The following SPTA1 variants were observed in gnomAD, a reference collection of about 807,000 sequenced individuals.
SPTA1 encodes spectrin alpha chain, erythrocytic 1.
In SPTA1, 177 loss-of-function variants were observed where a neutral mutation model predicts 324.7. The observed-to-expected ratio is 0.55, with a 90% CI of 0.48 to 0.62. SPTA1 has a LOEUF of 0.62. SPTA1 is among the 20% of genes least tolerant of loss of function. SPTA1 has a pLI of 0.00. For synonymous variants in SPTA1, 1,195 were observed against 1,041.3 expected (o/e 1.15, Z -2.84); for missense variants, 3,162 against 2,883.6 (o/e 1.10, Z -2.21).
At chr1:158,665,014 T>C (rs779131218) in intron 16 of SPTA1, among the ~76,000 whole-genome samples, 2 of 152,204 alleles carry the variant, frequency 1.3e-5, no homozygotes, top group Non-Finnish European at 2.9e-5. Flanking sequence ...TTTTCAACTT[T>C]AACATTCTAT....
chr1:158,677,620 A>C (rs1571522064), intron 7 of SPTA1, 70 bp downstream of exon 7: 2 of 1,588,230 alleles, frequency 1.3e-6, no homozygotes, highest in East Asian at 2.3e-5. Context: ...GAGGCACGGT[A>C]ATAGGCAAGA....
chr1:158,617,387 G>C, intron 47 of SPTA1, 150 bp downstream of exon 47: 1 of 697,286 alleles, frequency 1.4e-6, no homozygotes, highest in Non-Finnish European at 2.6e-6. Context: ...AGTAGACTGA[G>C]GTTTATATTC....
chr1:158,658,680 A>G (rs1652996488), intron 18 of SPTA1, among the ~76,000 whole-genome samples: 1 of 152,196 alleles, frequency 6.6e-6, no homozygotes, highest in African/African-American at 2.4e-5. Flanking sequence ...GGAAAACTCC[A>G]TCAAGTTATA....
rs75094406 is a variant in SPTA1 at position 158,621,335 on chromosome 1, A to G, written c.6121-869T>C. 8.6e-3 allele frequency among the ~76,000 whole-genome samples: 1,304 copies of G among 152,314 alleles called. 17 individuals carry two copies. Among genetic ancestry groups the G allele is most frequent in the African/African-American group, 0.03 (1,242 of 41,564 alleles). On this transcript the variant is annotated intron_variant, in intron 43 of 51. Coordinates refer to ENST00000643759, the MANE Select transcript of SPTA1 (RefSeq NM_003126.4). ...TTTCATTCCCAAATACAAGAATTAAAAAGAAGAAAACTGGCCCAAATGGAG... is the reference window on the plus strand; with the variant it reads ...TTTCATTCCCAAATACAAGAATTAAGAAGAAGAAAACTGGCCCAAATGGAG...
Position 158,685,095 on chromosome 1 carries a change from A to G in SPTA1, c.264+13T>C. The G allele has an allele frequency of 6.2e-7, 1 of 1,613,600 alleles. No homozygotes were observed. Among genetic ancestry groups the G allele is most frequent in the South Asian group, 1.1e-5 (1 of 91,076 alleles). Reference sequence around the variant, plus strand: ...TAGGGTCTGCTCTGAGGCAATCAAGAGAACTGAGTGACCTGTATATTAGTT... The same window carrying G: ...TAGGGTCTGCTCTGAGGCAATCAAGGGAACTGAGTGACCTGTATATTAGTT... On this transcript the variant is annotated intron_variant, in intron 2 of 51. Coordinates refer to ENST00000643759, the MANE Select transcript of SPTA1 (RefSeq NM_003126.4).
rs1652087781 is a variant in SPTA1, at chr1:158,647,553, G to A, written c.3882C>T (p.Phe1294=). ...CCCCACTCTACCTGGCCTTGCTGAG[G>A]AACAGGTAGAATTTCTGGGCCTCAT... ...SLNEAQKFYL[F]LSKARDLQNW... The change falls in exon 27 of 52, where the codon TTC becomes TTT. Residue 1294 remains phenylalanine, a synonymous_variant. Coordinates refer to ENST00000643759, the MANE Select transcript of SPTA1 (RefSeq NM_003126.4). 3.1e-6 allele frequency: 5 copies of A among 1,613,384 alleles called. No individual in the cohort carries two copies. In the Admixed American group the frequency reaches 5.0e-5, roughly 16 times the overall value.
In SPTA1 at chr1:158,674,422, A is replaced by C; in HGVS notation, c.1257T>G (p.Ile419Met). The change falls in exon 10 of 52, where the codon ATT becomes ATG. Residue 419 changes from isoleucine to methionine, a missense_variant. By Grantham distance (10) the Ile-to-Met change is conservative. Coordinates refer to ENST00000643759, the MANE Select transcript of SPTA1 (RefSeq NM_003126.4). ...ATTGAAATCGGTCATCGTAAGAGTC[A>C]ATCTCATGCTGTGGCCACAAAACAA... ...LDRHQQHKHE[I>M]DSYDDRFQSA... The C allele has an allele frequency of 6.2e-7, 1 of 1,614,118 alleles. No individual in the cohort carries two copies. Among genetic ancestry groups the C allele is most frequent in the Non-Finnish European group, 8.5e-7 (1 of 1,179,974 alleles).
chr1:158,619,826 A>T (rs957613026), intron 44 of SPTA1, among the ~76,000 whole-genome samples: 4 of 152,224 alleles, frequency 2.6e-5, no homozygotes, highest in African/African-American at 9.6e-5. Context: ...GGTGTATATA[A>T]AAACGAAAAT....
intron 37 of SPTA1, 150 bp from the exon 38 acceptor site, chr1:158,636,184 A>G: frequency 7.2e-7 from 1 of 1,395,130 alleles, no homozygotes; most frequent in Non-Finnish European, 1.0e-6. Flanking sequence ...TCCAGGGAGA[A>G]TGATGAAAGC....
At chr1:158,666,530 T>C (rs371350614) in intron 15 of SPTA1, 33 bp from the exon 16 acceptor site, 4 of 1,579,342 alleles carry the variant, frequency 2.5e-6, no homozygotes, top group Admixed American at 1.7e-5. Flanking sequence ...AGACATTAGG[T>C]ACCATAACTA....
At chr1:158,637,555 A>G (rs902047071) in intron 36 of SPTA1, among the ~76,000 whole-genome samples, 2 of 152,070 alleles carry the variant, frequency 1.3e-5, no homozygotes, top group African/African-American at 4.8e-5. Flanking sequence ...TATAAGATAT[A>G]CTGGATATAG....
rs1247501156 is a variant in SPTA1 at position 158,669,795 on chromosome 1, A to G, written c.1600-9T>C. 3 of 1,613,636 alleles carry G rather than the reference A, an allele frequency of 1.9e-6. No homozygotes were observed. Among genetic ancestry groups the G allele is most frequent in the East Asian group, 4.5e-5 (2 of 44,870 alleles). ...GCAGTCTTGTCTACAGTCTGAAAAA[A>G]TAAAAATAAAAATGAATGCTTTTCC... On this transcript the variant is annotated splice_polypyrimidine_tract_variant and intron_variant, in intron 12 of 51. Transcript: ENST00000643759.
intron 30 of SPTA1, 25 bp downstream of exon 30, chr1:158,644,228 T>C (rs377357109): frequency 5.0e-6 from 8 of 1,613,136 alleles, no homozygotes; most frequent in Non-Finnish European, 6.8e-6. Context: ...ATTATTATTT[T>C]AATTCCTTTA....
intron 51 of SPTA1, chr1:158,612,218 T>A (rs1265621086): frequency 6.3e-6 from 1 of 157,648 alleles, no homozygotes; most frequent in Non-Finnish European, 1.4e-5. Context: ...CCTGAAACAC[T>A]TAGGCTTTCC....
In SPTA1 at chr1:158,641,311, G is replaced by T. The variant is rs550663656; in HGVS notation, c.4737+1100C>A. On this transcript the variant is annotated intron_variant, in intron 33 of 51. Coordinates refer to ENST00000643759, the MANE Select transcript of SPTA1 (RefSeq NM_003126.4). ...AACAAAAGCCAAAATTGACAAATGG[G>T]ATCTAATTAAACTAAAGAGCTTCTG... Among the ~76,000 whole-genome samples the T allele has an allele frequency of 2.6e-5, 4 of 152,214 alleles. No individual in the cohort carries two copies. The South Asian group carries it at 6.2e-4, about 24-fold the overall frequency.
intron 27 of SPTA1, 63 bp downstream of exon 27, chr1:158,647,476 C>T (rs1477657908): frequency 6.3e-7 from 1 of 1,596,202 alleles, no homozygotes; most frequent in Non-Finnish European, 8.6e-7. Flanking sequence ...AGCATCTGTA[C>T]CCAGACTGCT....
intron 40 of SPTA1, 107 bp downstream of exon 40, chr1:158,627,518 C>T (rs2101782514): frequency 4.7e-6 from 5 of 1,074,252 alleles, no homozygotes; most frequent in East Asian, 4.8e-5. Context: ...TAAAGTTCTG[C>T]ATATGATCTT....
At chr1:158,651,521 A>T in intron 23 of SPTA1, 53 bp from the exon 24 acceptor site, 1 of 1,214,808 alleles carries the variant, frequency 8.2e-7, no homozygotes, top group Non-Finnish European at 1.2e-6. Context: ...AGCAGTGTAA[A>T]TCCCCTCATC....
At chr1:158,674,160 A>T (rs373643989) in intron 10 of SPTA1, among the ~76,000 whole-genome samples, 169 bp downstream of exon 10, 2 of 152,136 alleles carry the variant, frequency 1.3e-5, no homozygotes, top group African/African-American at 4.8e-5. Flanking sequence ...CATGGATAAT[A>T]AGTGATAACT....
Sources: gnomAD v4.1 joint callset for allele counts (sites outside exome capture counted in the v4.1 genomes callset) on GRCh38, gnomAD v4.1.1 for gene constraint, MANE v1.5 for transcripts, NCBI Gene and HGNC (gene_info 2026-07-23, HGNC 2026-07-21) for gene names.